CAMK1D: variants seen among roughly 807,000 people sequenced by gnomAD.
CAMK1D encodes calcium/calmodulin-dependent protein kinase type 1D.
In CAMK1D, 9 loss-of-function variants were observed where a neutral mutation model predicts 47.7. That is an observed-to-expected ratio of 0.19 (90% confidence interval 0.11 to 0.33). The LOEUF is 0.33. Among genes scored for constraint, CAMK1D ranks in the 10% least tolerant of loss-of-function variants. The pLI is 1.00. For missense variants in CAMK1D, 291 were observed against 488.7 expected (o/e 0.60, Z 3.81); for synonymous variants, 184 against 184.9 (o/e 0.99, Z 0.04).
At chr10:12,779,147 G>A (rs888892192) in intron 5 of CAMK1D, among the ~76,000 whole-genome samples, 1 of 151,906 alleles carries the variant, frequency 6.6e-6, no homozygotes, top group African/African-American at 2.4e-5. Flanking sequence ...GGTGGAAAGT[G>A]GCTCCTCAGG....
intron 1 of CAMK1D, among the ~76,000 whole-genome samples, chr10:12,522,295 C>T (rs1334727451): frequency 1.7e-4 from 24 of 138,724 alleles, no homozygotes; most frequent in Non-Finnish European, 2.6e-4. Flanking sequence ...GGTCAGCAGA[C>T]AAACAAGTGA....
Position 12,461,506 on chromosome 10 carries a change from T to C in CAMK1D, c.93-91719T>C, listed in dbSNP as rs1460387809. Among the ~76,000 whole-genome samples, 6 of 151,896 alleles carry C rather than the reference T, an allele frequency of 4.0e-5. No homozygotes were observed. In the East Asian group the frequency reaches 1.2e-3, roughly 29 times the overall value. On this transcript the variant is annotated intron_variant, in intron 1 of 10. Transcript: ENST00000619168. ...GAGATCGAGACTATCTTGGACAACA[T>C]GGTGAAACCCCGTCCCTACTAAAAA...
intron 2 of CAMK1D, among the ~76,000 whole-genome samples, chr10:12,626,634 T>C (rs1490377121): frequency 6.6e-6 from 1 of 152,108 alleles, no homozygotes; most frequent in African/African-American, 2.4e-5. Flanking sequence ...CCACAACATC[T>C]GGCTAATTTT....
At position 12,771,987 on chromosome 10, in the gene CAMK1D, T is replaced by G. The variant is rs143979818; in HGVS notation, c.565+2188T>G. Among the ~76,000 whole-genome samples the G allele has an allele frequency of 4.0e-4, 61 of 151,952 alleles. 1 individual carries two copies. In the East Asian group the frequency reaches 8.7e-3, roughly 22 times the overall value. On this transcript the variant is annotated intron_variant, in intron 5 of 10. Transcript: ENST00000619168. ...GGGCGGAAGTTGCAGTGGGCTGAGA[T>G]TGCGCCACTGCACTCCAGCCTGGGT...
chr10:12,675,164 G>A (rs1840766480), intron 3 of CAMK1D, among the ~76,000 whole-genome samples: 1 of 151,992 alleles, frequency 6.6e-6, no homozygotes, highest in South Asian at 2.1e-4. Context: ...CAATGCAAAG[G>A]ATAAATCAGA....
At chr10:12,766,231 C>G (rs1400613495) in intron 4 of CAMK1D, among the ~76,000 whole-genome samples, 1 of 152,100 alleles carries the variant, frequency 6.6e-6, no homozygotes, top group African/African-American at 2.4e-5. Context: ...TCCCAAAGTC[C>G]AAAGTGCTGG....
chr10:12,605,669 A>C (rs535660814), intron 2 of CAMK1D, among the ~76,000 whole-genome samples: 1 of 152,140 alleles, frequency 6.6e-6, no homozygotes, highest in African/African-American at 2.4e-5. Flanking sequence ...GTTGGGGAGG[A>C]AGGAGGGGAG....
chr10:12,587,309 C>T (rs1225268334), intron 2 of CAMK1D, among the ~76,000 whole-genome samples: 2 of 152,112 alleles, frequency 1.3e-5, no homozygotes, highest in East Asian at 3.9e-4. Flanking sequence ...CAGGCACAGA[C>T]AACAGTGTGG....
At chr10:12,506,825 T>C (rs1047008174) in intron 1 of CAMK1D, among the ~76,000 whole-genome samples, 1 of 152,202 alleles carries the variant, frequency 6.6e-6, no homozygotes, top group African/African-American at 2.4e-5. Flanking sequence ...GCCTGGGCTC[T>C]TTCATGCCCA....
intron 1 of CAMK1D, among the ~76,000 whole-genome samples, chr10:12,475,333 C>T (rs145133732): frequency 1.3e-3 from 201 of 152,290 alleles, no homozygotes; most frequent in African/African-American, 4.6e-3. Context: ...TCTGTCTCCA[C>T]GAATTTGACT....
At chr10:12,511,655 C>T (rs573884667) in intron 1 of CAMK1D, among the ~76,000 whole-genome samples, 1 of 152,304 alleles carries the variant, frequency 6.6e-6, no homozygotes, top group South Asian at 2.1e-4. Flanking sequence ...CTGGGTCCTC[C>T]TCCAATCCAG....
At chr10:12,773,240 T>C (rs1314362012) in intron 5 of CAMK1D, among the ~76,000 whole-genome samples, 5 of 152,212 alleles carry the variant, frequency 3.3e-5, no homozygotes, top group Non-Finnish European at 5.9e-5. Flanking sequence ...TCCCCTTCCA[T>C]TCACTCAGCA....
intron 2 of CAMK1D, among the ~76,000 whole-genome samples, chr10:12,579,162 T>C (rs916800273): frequency 1.3e-5 from 2 of 151,916 alleles, no homozygotes; most frequent in African/African-American, 4.8e-5. Flanking sequence ...AGTGAGGCTG[T>C]GGGTGTGGAA....
chr10:12,680,861 G>A (rs1262946731), intron 3 of CAMK1D, among the ~76,000 whole-genome samples: 1 of 150,100 alleles, frequency 6.7e-6, no homozygotes, highest in East Asian at 2.0e-4. Flanking sequence ...TTCCAGCCTG[G>A]GTGACAGAGT....
chr10:12,354,193 C>T (rs952477661), intron 1 of CAMK1D, among the ~76,000 whole-genome samples: 1 of 152,080 alleles, frequency 6.6e-6, no homozygotes, highest in African/African-American at 2.4e-5. Context: ...GCATGTTTTT[C>T]GTGTAGACTG....
intron 3 of CAMK1D, among the ~76,000 whole-genome samples, chr10:12,741,086 T>A (rs774774764): frequency 1.3e-5 from 2 of 152,236 alleles, no homozygotes; most frequent in Admixed American, 6.5e-5. Context: ...TCTGTGACTT[T>A]AAATCATTTA....
intron 1 of CAMK1D, among the ~76,000 whole-genome samples, chr10:12,444,801 G>A (rs1007960196): frequency 1.3e-5 from 2 of 152,192 alleles, no homozygotes; most frequent in African/African-American, 4.8e-5. Context: ...GTTGAGATAA[G>A]GGGTTGTGTA....
chr10:12,365,959 G>A (rs1371266682), intron 1 of CAMK1D, among the ~76,000 whole-genome samples: 1 of 152,214 alleles, frequency 6.6e-6, no homozygotes, highest in Non-Finnish European at 1.5e-5. Flanking sequence ...GGGAGGCTGA[G>A]GTGGGAGAAT....
At position 12,622,332 on chromosome 10, in the gene CAMK1D, T is replaced by C. The variant is rs148336328; in HGVS notation, c.225-44404T>C. 2.0e-5 allele frequency among the ~76,000 whole-genome samples: 3 copies of C among 152,210 alleles called. No homozygotes were observed. In the East Asian group the frequency reaches 5.8e-4, roughly 29 times the overall value. On this transcript the variant is annotated intron_variant, in intron 2 of 10. Coordinates refer to ENST00000619168, the MANE Select transcript of CAMK1D (RefSeq NM_153498.4). Reference sequence around the variant, plus strand: ...CCTGGTCACTGGGCTAGAGAGAAAGTAGGCTTTTGTGGGGGGCTGTTTTTG... The same window carrying C: ...CCTGGTCACTGGGCTAGAGAGAAAGCAGGCTTTTGTGGGGGGCTGTTTTTG...
Sources: allele counts gnomAD v4.1 joint callset (sites outside exome capture counted in the v4.1 genomes callset), GRCh38; gene constraint gnomAD v4.1.1; transcripts MANE v1.5; gene names NCBI Gene and HGNC (gene_info 2026-07-23, HGNC 2026-07-21).